Variants in DYNC2I1 observed in about 807,000 individuals in gnomAD.
The protein encoded by DYNC2I1 is cytoplasmic dynein 2 intermediate chain 1.
In DYNC2I1, 89 loss-of-function variants were observed where a neutral mutation model predicts 133.4. The observed-to-expected ratio is 0.67, with a 90% CI of 0.56 to 0.80. The LOEUF is 0.80. Ranked by LOEUF, DYNC2I1 falls within the 30% of genes least tolerant of loss-of-function variation. The pLI is 0.00. For synonymous variants in DYNC2I1, 504 were observed against 484.3 expected (o/e 1.04, Z -0.54); for missense variants, 1,291 against 1,314.5 (o/e 0.98, Z 0.28).
At chr7:158,864,841 A>G (rs893863740) in intron 1 of DYNC2I1, among the ~76,000 whole-genome samples, 7 of 152,246 alleles carry the variant, frequency 4.6e-5, no homozygotes, top group Non-Finnish European at 8.8e-5. Context: ...TTAATGTTCA[A>G]TTAACTAGTT....
At position 158,901,757 on chromosome 7, in the gene DYNC2I1, A is replaced by G; in HGVS notation, c.1078A>G (p.Thr360Ala). ...CCTCTAGGAAATTGAAAAGGAAGAA[A>G]CTGATTTAGAAAATGCTAGAGCTGA... ...EETVEIEKEE[T>A]DLENARADAY... The change falls in exon 9 of 25, where the codon ACT (threonine) becomes GCT (alanine). Residue 360 changes from threonine (T) to alanine (A), a missense_variant. Coordinates refer to ENST00000407559, the MANE Select transcript of DYNC2I1 (RefSeq NM_018051.5). 1 of 1,579,304 alleles carries G rather than the reference A, an allele frequency of 6.3e-7. No homozygotes were observed. The highest frequency in any genetic ancestry group is 8.6e-7 in the Non-Finnish European group (1 of 1,162,856).
chr7:158,901,954 C>G, intron 9 of DYNC2I1, 138 bp downstream of exon 9: 1 of 654,740 alleles, frequency 1.5e-6, no homozygotes, highest in Non-Finnish European at 2.5e-6. Context: ...TGATTTAGGT[C>G]AAGCTGTTAC....
rs10246384 is a variant in DYNC2I1, at chr7:158,856,877, G to A, written c.15+127G>A. The A allele has an allele frequency of 6.8e-4, 756 of 1,115,950 alleles. 9 individuals carry two copies. In the African/African-American group the frequency reaches 0.01, roughly 15 times the overall value. The allele number at this position is 1,115,950 out of a possible 1,614,324, so 69.1% of individuals were successfully genotyped here. The stretch of plus-strand genomic sequence containing the variant: ...CTCTCGGCCGGGCCGGGGCTTCCCG[G>A]AGGAGCCGCGGTGCCTCCGAGGCAG... On this transcript the variant is annotated intron_variant, in intron 1 of 24. Coordinates refer to ENST00000407559, the MANE Select transcript of DYNC2I1 (RefSeq NM_018051.5).
chr7:158,884,075 C>T (rs112940522), intron 5 of DYNC2I1, among the ~76,000 whole-genome samples: 3,115 of 138,156 alleles, frequency 0.023, 104 homozygotes, highest in African/African-American at 0.077. Context: ...GATGGAGTCT[C>T]GCTCTGTCGC....
intron 10 of DYNC2I1, chr7:158,902,892 T>A (rs549172161): frequency 3.0e-6 from 1 of 334,718 alleles, no homozygotes; most frequent in East Asian, 5.4e-5. Flanking sequence ...CTGATGCTCC[T>A]GTTCTCCAGA....
intron 13 of DYNC2I1, 151 bp from the exon 14 acceptor site, chr7:158,914,082 T>G: frequency 3.5e-6 from 2 of 570,522 alleles, no homozygotes; most frequent in Non-Finnish European, 6.1e-6. Context: ...TTAACAGTAG[T>G]AAATCTAGAG....
intron 4 of DYNC2I1, among the ~76,000 whole-genome samples, chr7:158,954,033 G>A (rs1178091526): frequency 5.3e-5 from 8 of 152,146 alleles, no homozygotes; most frequent in South Asian, 2.1e-4. Context: ...TAACTGAATC[G>A]TGGGGGCAGG....
At position 158,927,010 on chromosome 7, in the gene DYNC2I1, A is replaced by G; in HGVS notation, c.2452A>G (p.Lys818Glu). Residue 818 changes from lysine (K) to glutamate (E), a missense_variant, in exon 20 of 25, where the codon AAG (lysine) becomes GAG (glutamate). By Grantham distance (56) the Lys-to-Glu change is moderately conservative. Transcript: ENST00000407559. ...TTTTTAGGTGGTTGTTGAATTACCAAAGGCAGACATCGCAGGTTCAATAAG... is the reference window on the plus strand; with the variant it reads ...TTTTTAGGTGGTTGTTGAATTACCAGAGGCAGACATCGCAGGTTCAATAAG... ...LNVWVVVELP[K>E]ADIAGSISDL... 6.2e-7 allele frequency: 1 copy of G among 1,604,774 alleles called. No individual in the cohort carries two copies. The highest frequency in any genetic ancestry group is 8.5e-7 in the Non-Finnish European group (1 of 1,175,094).
chr7:158,887,941 A>G (rs1250149984), intron 7 of DYNC2I1, among the ~76,000 whole-genome samples: 4 of 151,946 alleles, frequency 2.6e-5, no homozygotes, highest in African/African-American at 4.8e-5. Context: ...TAGGATCATA[A>G]GAGTAGGCTT....
rs1849310086 is a variant in DYNC2I1 at position 158,923,612 on chromosome 7, G to C, written c.2136G>C (p.Leu712=). The change falls in exon 17 of 25, where the codon CTG becomes CTC. Residue 712 remains leucine, a synonymous_variant. Transcript: ENST00000407559. The stretch of plus-strand genomic sequence containing the variant: ...TGAGCCCTTTGAAAGCATTTTTACT[G>C]TTTGCCGGAACAGCGCACGGCTCAG... The part of the protein sequence containing the change: ...CCLSPLKAFL[L]FAGTAHGSVV... 6.2e-7 allele frequency: 1 copy of C among 1,613,976 alleles called. No homozygotes were observed. The highest frequency in any genetic ancestry group is 8.5e-7 in the Non-Finnish European group (1 of 1,179,892).
chr7:158,942,439 C>T (rs918135406), intron 24 of DYNC2I1, among the ~76,000 whole-genome samples: 1 of 152,162 alleles, frequency 6.6e-6, no homozygotes, highest in South Asian at 2.1e-4. Context: ...CCACCACCAC[C>T]GAGTCGACGG....
chr7:158,920,119 G>T (rs543973818), intron 15 of DYNC2I1, among the ~76,000 whole-genome samples: 3 of 151,928 alleles, frequency 2.0e-5, no homozygotes, highest in East Asian at 3.9e-4. Flanking sequence ...AAGTGTGTGT[G>T]TGTACCACAG....
intron 12 of DYNC2I1, among the ~76,000 whole-genome samples, chr7:158,912,166 C>G (rs542206636): frequency 1.4e-4 from 21 of 152,300 alleles, no homozygotes; most frequent in Admixed American, 6.5e-4. Context: ...TAGTGACTTA[C>G]AATGAATTCT....
rs544795698 is a variant in DYNC2I1, at chr7:158,856,654, C to G, written c.-82C>G. 2 of 1,214,746 alleles carry G rather than the reference C, an allele frequency of 1.6e-6. No individual in the cohort carries two copies. Among genetic ancestry groups the G allele is most frequent in the Non-Finnish European group, 2.1e-6 (2 of 972,022 alleles). 75.2% of individuals were successfully genotyped at this position (1,214,746 alleles called of 1,614,324 possible). ...GCTGGGACGCGCCTCCCGAAGGGTG[C>G]GGGGCACAGGTGGCCTCTTCGGGGT... On this transcript the variant is annotated 5_prime_UTR_variant, in exon 1 of 25. Coordinates refer to ENST00000407559, the MANE Select transcript of DYNC2I1 (RefSeq NM_018051.5).
chr7:158,839,456 C>G, the DYNC2I1 span, among the ~76,000 whole-genome samples: 1 of 151,736 alleles, frequency 6.6e-6, no homozygotes, highest in African/African-American at 2.4e-5. Flanking sequence ...AATGTGACTC[C>G]GTAACACCTG....
chr7:158,879,072 G>C (rs1302675025), intron 4 of DYNC2I1, among the ~76,000 whole-genome samples: 1 of 152,158 alleles, frequency 6.6e-6, no homozygotes, highest in Non-Finnish European at 1.5e-5. Context: ...GGCACCATGT[G>C]GGGAGGCATT....
upstream of DYNC2I1, among the ~76,000 whole-genome samples, chr7:158,853,339 GAT>G (rs1456259067): frequency 6.6e-6 from 1 of 152,170 alleles, no homozygotes; most frequent in East Asian, 1.9e-4. Flanking sequence ...CATGCCTCAT[GAT>G]ACCCTCCTCC....
At chr7:158,881,798 A>G (rs1177318884) in intron 5 of DYNC2I1, among the ~76,000 whole-genome samples, 2 of 151,976 alleles carry the variant, frequency 1.3e-5, no homozygotes, top group Admixed American at 1.3e-4. Context: ...AAACTTCATC[A>G]TTTTCTCCCA....
chr7:158,903,230 A>G (rs1177221320), intron 10 of DYNC2I1: 1 of 152,050 alleles, frequency 6.6e-6, no homozygotes, highest in Non-Finnish European at 1.5e-5. Context: ...TCCTACAAGG[A>G]CCTTTTTAAA....
Sources: allele counts gnomAD v4.1 joint callset (sites outside exome capture counted in the v4.1 genomes callset), GRCh38; gene constraint gnomAD v4.1.1; transcripts MANE v1.5; gene names NCBI Gene and HGNC (gene_info 2026-07-23, HGNC 2026-07-21).